The following DACH2 variants were observed in gnomAD, a reference collection of about 807,000 sequenced individuals.
The protein encoded by DACH2 is dachshund family transcription factor 2.
Under a neutral mutation model 35.8 loss-of-function variants are expected in DACH2, and 17 were observed. That is an observed-to-expected ratio of 0.48 (90% CI 0.33 to 0.71). The LOEUF (loss-of-function observed/expected upper bound fraction) is 0.71, where lower values mean the gene tolerates loss of function less well. Ranked by LOEUF, DACH2 falls within the 30% of genes least tolerant of loss-of-function variation. The probability of loss-of-function intolerance (pLI) is 0.02; values close to 1 mark genes in which losing one functional copy is unlikely to be tolerated. For synonymous variants in DACH2, 195 were observed against 177.3 expected (o/e 1.10, Z -0.79); for missense variants, 469 against 472.7 (o/e 0.99, Z 0.07).
chrX:86,765,836 G>T (rs1260428206), intron 7 of DACH2, among the ~76,000 whole-genome samples: 1 of 103,136 alleles, frequency 9.7e-6, no homozygotes, highest in Non-Finnish European at 2.0e-5. Flanking sequence ...TCCGTAAATT[G>T]CTTTGAGCAG....
At chrX:86,348,685 T>C (rs1275850775) in intron 1 of DACH2, among the ~76,000 whole-genome samples, 1 of 112,564 alleles carries the variant, frequency 8.9e-6, no homozygotes, top group East Asian at 2.8e-4. Context: ...GAACATTTCC[T>C]TGGTAAGGTG....
intron 7 of DACH2, among the ~76,000 whole-genome samples, chrX:86,771,670 A>T (rs1305920128): frequency 8.9e-6 from 1 of 111,894 alleles, no homozygotes; most frequent in Non-Finnish European, 1.9e-5. Flanking sequence ...ACAAAACTTG[A>T]AACCCAAGTT....
intron 7 of DACH2, among the ~76,000 whole-genome samples, chrX:86,770,642 A>G (rs2041979526): frequency 8.9e-6 from 1 of 112,327 alleles, no homozygotes; most frequent in Non-Finnish European, 1.9e-5. Context: ...ACTTTCAAAT[A>G]TATTTACATT....
chrX:86,342,977 A>C (rs1458775993), intron 1 of DACH2, among the ~76,000 whole-genome samples: 1 of 111,421 alleles, frequency 9.0e-6, no homozygotes, highest in Non-Finnish European at 1.9e-5. Context: ...AAGCACAATA[A>C]TTGTTTAAAT....
chrX:86,462,951 A>T (rs765216808), intron 2 of DACH2, among the ~76,000 whole-genome samples: 42 of 111,594 alleles, frequency 3.8e-4, no homozygotes, highest in African/African-American at 1.2e-3. Flanking sequence ...TGTGATAAAG[A>T]TCCTATTTTA....
At position 86,367,480 on chromosome X, in the gene DACH2, C is replaced by A. The variant is rs773617826; in HGVS notation, c.489-9344C>A. On this transcript the variant is annotated intron_variant, in intron 1 of 11. Coordinates refer to ENST00000373125, the MANE Select transcript of DACH2 (RefSeq NM_053281.3). ...GCAACTAAACTGCAACCATCACTGA[C>A]CTCTCAGAAGACTTTCAATGTAATC... 2.7e-5 allele frequency among the ~76,000 whole-genome samples: 3 copies of A among 111,589 alleles called. No homozygotes were observed. The East Asian group carries it at 8.6e-4, about 32-fold the overall frequency.
intron 1 of DACH2, among the ~76,000 whole-genome samples, chrX:86,276,986 T>C (rs1412296700): frequency 8.9e-6 from 1 of 111,822 alleles, no homozygotes; most frequent in East Asian, 2.8e-4. Flanking sequence ...TTTTGTTCTT[T>C]TTGCTTAGAA....
intron 1 of DACH2, among the ~76,000 whole-genome samples, chrX:86,278,185 G>A (rs781224063): frequency 8.9e-6 from 1 of 111,854 alleles, no homozygotes; most frequent in Non-Finnish European, 1.9e-5. Context: ...TCAGCAAATC[G>A]ATGAGATGAA....
intron 2 of DACH2, among the ~76,000 whole-genome samples, chrX:86,422,959 ATATTC>A (rs2148160216): frequency 9.0e-6 from 1 of 111,303 alleles, no homozygotes; most frequent in South Asian, 3.7e-4. Flanking sequence ...ATTTAGCATA[ATATTC>A]TCCAGTTCCA....
chrX:86,280,928 C>T (rs990553071), intron 1 of DACH2, among the ~76,000 whole-genome samples: 2 of 111,616 alleles, frequency 1.8e-5, no homozygotes, highest in East Asian at 2.8e-4. Context: ...GCACCAAATA[C>T]AGGAGCACCC....
chrX:86,591,899 T>C (rs2039652091), intron 3 of DACH2, among the ~76,000 whole-genome samples: 1 of 111,724 alleles, frequency 9.0e-6, no homozygotes, highest in Non-Finnish European at 1.9e-5. Context: ...ATATTCTTTG[T>C]ATATTTTAGA....
intron 7 of DACH2, among the ~76,000 whole-genome samples, chrX:86,793,750 G>A (rs1408551396): frequency 8.9e-6 from 1 of 112,058 alleles, no homozygotes; most frequent in Non-Finnish European, 1.9e-5. Context: ...AGCACATTGA[G>A]CATATAACAT....
intron 1 of DACH2, among the ~76,000 whole-genome samples, chrX:86,205,656 G>A (rs770899438): frequency 6.2e-4 from 65 of 104,653 alleles, no homozygotes; most frequent in African/African-American, 2.2e-3. Context: ...AACCTCCTGG[G>A]CTCAACCCAT....
intron 7 of DACH2, among the ~76,000 whole-genome samples, chrX:86,761,271 A>C (rs1313060010): frequency 1.8e-5 from 2 of 109,804 alleles, no homozygotes; most frequent in Non-Finnish European, 3.8e-5. Context: ...TTCAATTCCC[A>C]CTTATGAGTG....
At chrX:86,240,659 A>G (rs2033146623) in intron 1 of DACH2, among the ~76,000 whole-genome samples, 1 of 108,886 alleles carries the variant, frequency 9.2e-6, no homozygotes, top group Non-Finnish European at 1.9e-5. Flanking sequence ...TTTTTTTTGT[A>G]GAGATGGTGA....
At chrX:86,644,485 G>T (rs755110295) in intron 3 of DACH2, among the ~76,000 whole-genome samples, 33 of 111,359 alleles carry the variant, frequency 3.0e-4, no homozygotes, top group Admixed American at 1.6e-3. Context: ...AATTAAAATG[G>T]CTAGACTGCC....
At chrX:86,477,920 G>A (rs2037873383) in intron 2 of DACH2, among the ~76,000 whole-genome samples, 1 of 110,847 alleles carries the variant, frequency 9.0e-6, no homozygotes, top group Non-Finnish European at 1.9e-5. Flanking sequence ...ACTTAATACT[G>A]TTTGCTTAAA....
At chrX:86,219,313 A>T (rs2032648761) in intron 1 of DACH2, among the ~76,000 whole-genome samples, 1 of 111,412 alleles carries the variant, frequency 9.0e-6, no homozygotes, top group Non-Finnish European at 1.9e-5. Flanking sequence ...ACCACTTTTT[A>T]AAAACTTTTA....
intron 2 of DACH2, among the ~76,000 whole-genome samples, chrX:86,398,765 C>T (rs887608538): frequency 2.7e-5 from 3 of 111,780 alleles, no homozygotes; most frequent in East Asian, 5.6e-4. Context: ...CAGTTTGTTA[C>T]AATTTCTGTT....
Sources: gnomAD v4.1 joint callset for allele counts (sites outside exome capture counted in the v4.1 genomes callset) on GRCh38, gnomAD v4.1.1 for gene constraint, MANE v1.5 for transcripts, NCBI Gene and HGNC (gene_info 2026-07-23, HGNC 2026-07-21) for gene names.